The following RP1 variants were observed in gnomAD, a reference collection of about 807,000 sequenced individuals.
The protein encoded by RP1 is RP1 axonemal microtubule associated, also known as oxygen-regulated protein 1.
Under a neutral mutation model 14.8 loss-of-function variants are expected in RP1, and 16 were observed. That is an observed-to-expected ratio of 1.08 (90% CI 0.73 to 1.65). RP1 has a LOEUF of 1.65. Ranked by LOEUF, RP1 falls within the 40% of genes most tolerant of loss-of-function variation. The probability of loss-of-function intolerance (pLI) is 0.00; values close to 1 mark genes in which losing one functional copy is unlikely to be tolerated. For missense variants in RP1, 2,631 were observed against 2,535.0 expected, an observed-to-expected ratio of 1.04 and a Z score of -0.81; for synonymous variants, 876 against 883.6, an observed-to-expected ratio of 0.99 and a Z score of 0.15.
chr8:54,724,749 C>T (rs976904675), intron 16 of RP1, among the ~76,000 whole-genome samples: 1 of 152,164 alleles, frequency 6.6e-6, no homozygotes, highest in African/African-American at 2.4e-5. Context: ...TAGGAACTTG[C>T]TGGATGACAT....
intron 12 of RP1, among the ~76,000 whole-genome samples, chr8:54,698,684 T>C (rs555158151): frequency 1.4e-4 from 22 of 152,268 alleles, no homozygotes; most frequent in African/African-American, 5.3e-4. Context: ...GTGGCACATA[T>C]ACACCATGGA....
intron 15 of RP1, chr8:54,706,660 G>C (rs1196551777): frequency 6.5e-7 from 1 of 1,535,896 alleles, no homozygotes. Flanking sequence ...GGAACAGTAA[G>C]CATCTGCTCT....
At chr8:54,857,174 G>A (rs1227034017) in intron 27 of RP1, 1 of 488,198 alleles carries the variant, frequency 2.0e-6, no homozygotes, top group East Asian at 3.8e-5. Context: ...AGAAGCAGGT[G>A]AAAGAACAGG....
chr8:54,618,427 T>C (rs1308115982), intron 1 of RP1, among the ~76,000 whole-genome samples: 1 of 152,160 alleles, frequency 6.6e-6, no homozygotes, highest in Non-Finnish European at 1.5e-5. Flanking sequence ...ATAGATGTGT[T>C]CCCAAAGTGG....
chr8:54,770,466 AG>A (rs1809874391), downstream of RP1, among the ~76,000 whole-genome samples: 3 of 151,396 alleles, frequency 2.0e-5, no homozygotes, highest in Admixed American at 1.3e-4. Flanking sequence ...CTTCCAAATA[AG>A]ATTTTTATTA....
intron 24 of RP1, chr8:54,837,324 G>A (rs1019725096): frequency 2.5e-6 from 1 of 406,508 alleles, no homozygotes. Flanking sequence ...AGAAGTAACT[G>A]GTTCTAAGGG....
intron 24 of RP1, among the ~76,000 whole-genome samples, chr8:54,834,836 G>C (rs1288048362): frequency 6.6e-6 from 1 of 152,070 alleles, no homozygotes; most frequent in Non-Finnish European, 1.5e-5. Context: ...TATGTAAAAT[G>C]AACTGTCCTA....
Position 54,630,581 on chromosome 8 carries a change from G to C in RP1, c.*228G>C. On this transcript the variant is annotated 3_prime_UTR_variant, in exon 4 of 4. Transcript: ENST00000220676. ...TCTCTTATTTTGGAAGTTTCTATCT[G>C]GTTTTGTTCTGAACTTACATTTTTT... The C allele has an allele frequency of 7.8e-7, 1 of 1,279,854 alleles. No homozygotes were observed. Among genetic ancestry groups the C allele is most frequent in the Non-Finnish European group, 9.9e-7 (1 of 1,013,948 alleles). 79.3% of individuals were successfully genotyped at this position (1,279,854 alleles called of 1,614,324 possible).
At position 54,626,737 on chromosome 8, in the gene RP1, T is replaced by A; in HGVS notation, c.2855T>A (p.Phe952Tyr). ...TSVVNCSNNS[F>Y]SGNDPHTNSG... ...GTGGTAAATTGTAGCAATAATAGTT[T>A]TTCAGGGAATGATCCCCATACAAAT... Residue 952 changes from phenylalanine (F) to tyrosine (Y), a missense_variant, in exon 4 of 4, where the codon TTT (phenylalanine) becomes TAT (tyrosine). Coordinates refer to ENST00000220676, the MANE Select transcript of RP1 (RefSeq NM_006269.2). The A allele has an allele frequency of 6.2e-7, 1 of 1,613,986 alleles. No individual in the cohort carries two copies. Among genetic ancestry groups the A allele is most frequent in the Non-Finnish European group, 8.5e-7 (1 of 1,179,952 alleles).
At chr8:54,774,820 GCCTA>G (rs961274153), downstream of RP1, among the ~76,000 whole-genome samples, 9 of 152,204 alleles carry the variant, frequency 5.9e-5, no homozygotes, top group East Asian at 1.5e-3. Context: ...ACCATCAAAA[GCCTA>G]CTCCTCAATC....
At chr8:54,689,043 G>C (rs1002798132) in intron 12 of RP1, among the ~76,000 whole-genome samples, 2 of 152,086 alleles carry the variant, frequency 1.3e-5, no homozygotes, top group Non-Finnish European at 2.9e-5. Context: ...TTGTAAGTTG[G>C]ATTCCTAGGT....
At chr8:54,760,964 G>T (rs1348387821) in intron 22 of RP1, among the ~76,000 whole-genome samples, 2 of 152,100 alleles carry the variant, frequency 1.3e-5, no homozygotes, top group African/African-American at 4.8e-5. Flanking sequence ...GAGGACTTGG[G>T]TGTCATTTCC....
intron 19 of RP1, among the ~76,000 whole-genome samples, chr8:54,739,382 A>T (rs991692129): frequency 1.3e-5 from 2 of 152,132 alleles, no homozygotes; most frequent in African/African-American, 4.8e-5. Flanking sequence ...CATAACCTCA[A>T]GAAATTGTAA....
chr8:54,655,379 T>G (rs1806733450), intron 5 of RP1, among the ~76,000 whole-genome samples: 1 of 152,212 alleles, frequency 6.6e-6, no homozygotes. Context: ...TACTTTTTGA[T>G]GATTTTCATA....
At chr8:54,677,965 CA>C (rs1447230570) in intron 8 of RP1, among the ~76,000 whole-genome samples, 1 of 152,112 alleles carries the variant, frequency 6.6e-6, no homozygotes, top group African/African-American at 2.4e-5. Flanking sequence ...TTTATACCTT[CA>C]TGTGTACCAG....
At chr8:54,720,278 T>C in exon 16 of RP1, 1 of 1,535,484 alleles carries the variant, frequency 6.5e-7, no homozygotes, top group Non-Finnish European at 8.7e-7. Context: ...AGGATGAGAA[T>C]GTTTGCTTCT....
At chr8:54,773,390 A>T (rs1809955002), downstream of RP1, among the ~76,000 whole-genome samples, 1 of 152,030 alleles carries the variant, frequency 6.6e-6, no homozygotes, top group Non-Finnish European at 1.5e-5. Flanking sequence ...TAATCCCAGC[A>T]CTTTGGGAGG....
intron 1 of RP1, among the ~76,000 whole-genome samples, chr8:54,567,668 C>T (rs909600981): frequency 2.6e-5 from 4 of 152,002 alleles, no homozygotes; most frequent in African/African-American, 7.2e-5. Flanking sequence ...TGGTAGAAAA[C>T]CTCTTGTAAA....
intron 28 of RP1, among the ~76,000 whole-genome samples, chr8:54,867,056 G>A (rs1452793008): frequency 1.3e-5 from 2 of 152,180 alleles, no homozygotes; most frequent in African/African-American, 2.4e-5. Context: ...TGCTCAATAA[G>A]GGAGGAGAGA....
Sources: gnomAD v4.1 joint callset for allele counts (sites outside exome capture counted in the v4.1 genomes callset) on GRCh38, gnomAD v4.1.1 for gene constraint, MANE v1.5 for transcripts, NCBI Gene and HGNC (gene_info 2026-07-23, HGNC 2026-07-21) for gene names.